GPHN: variants seen among roughly 807,000 people sequenced by gnomAD.
GPHN encodes gephyrin.
In GPHN, 17 loss-of-function variants were observed where a neutral mutation model predicts 95.5. The ratio of observed to expected loss-of-function variants is 0.18; its 90% CI spans 0.12 to 0.27. The LOEUF is 0.27. GPHN is among the 10% of genes least tolerant of loss of function. The pLI is 1.00. For synonymous variants in GPHN, 320 were observed against 322.5 expected, an observed-to-expected ratio of 0.99 and a Z score of 0.08; for missense variants, 660 against 978.1, an observed-to-expected ratio of 0.67 and a Z score of 4.34.
At chr14:66,518,773 C>T (rs570905146) in intron 1 of GPHN, among the ~76,000 whole-genome samples, 28 of 151,948 alleles carry the variant, frequency 1.8e-4, no homozygotes, top group African/African-American at 6.8e-4. Flanking sequence ...TATGTGGAAA[C>T]TAAAAAAAGT....
the GPHN span, chr14:67,585,613 G>C: frequency 6.3e-7 from 1 of 1,584,560 alleles, no homozygotes; most frequent in Non-Finnish European, 8.6e-7. Flanking sequence ...GTGGATTGCT[G>C]TGAATGAGGA....
the GPHN span, among the ~76,000 whole-genome samples, chr14:67,574,670 C>T: frequency 1.9e-3 from 283 of 152,216 alleles, 1 homozygote; most frequent in African/African-American, 6.5e-3. The surrounding 1 kb of genome is among the most constrained non-coding windows in gnomAD (Gnocchi z 4.2). Context: ...ATTTTGAGGT[C>T]ATTAGGGGCT....
At chr14:66,929,903 G>T (rs1445702056) in intron 8 of GPHN, among the ~76,000 whole-genome samples, 1 of 151,830 alleles carries the variant, frequency 6.6e-6, no homozygotes, top group Non-Finnish European at 1.5e-5. Context: ...AGTAGAGACG[G>T]GGTTTCACCG....
At chr14:67,268,770 T>A in the GPHN span, among the ~76,000 whole-genome samples, 3 of 152,198 alleles carry the variant, frequency 2.0e-5, no homozygotes, top group South Asian at 2.1e-4. Flanking sequence ...CTTTGTGACC[T>A]GACTTTGTGC....
intron 5 of GPHN, among the ~76,000 whole-genome samples, chr14:66,885,506 C>T (rs1361513860): frequency 6.6e-6 from 1 of 152,042 alleles, no homozygotes; most frequent in African/African-American, 2.4e-5. Flanking sequence ...CCTTATCTTC[C>T]AAATATTGGG....
the GPHN span, chr14:67,726,028 A>C: frequency 6.6e-7 from 1 of 1,519,316 alleles, no homozygotes; most frequent in Non-Finnish European, 9.1e-7. Flanking sequence ...TAACCATAGG[A>C]TCTCTTTGGT....
the GPHN span, among the ~76,000 whole-genome samples, chr14:67,212,653 A>G: frequency 2.7e-5 from 4 of 146,488 alleles, no homozygotes. Context: ...ACATATATAT[A>G]TAATATATAT....
chr14:67,122,165 T>C, intron 16 of GPHN, 91 bp from the exon 17 acceptor site: 2 of 1,284,396 alleles, frequency 1.6e-6, no homozygotes, highest in Non-Finnish European at 2.3e-6. Context: ...GTGCTAGATA[T>C]GCTAAACTCA....
chr14:67,412,048 G>A, the GPHN span: 46,053 of 1,553,314 alleles, frequency 0.03, 791 homozygotes, highest in Non-Finnish European at 0.033. Flanking sequence ...CCTTGAGCAC[G>A]CCGTCCTCCA....
At chr14:67,039,201 A>G (rs1374323867) in intron 10 of GPHN, among the ~76,000 whole-genome samples, 2 of 152,122 alleles carry the variant, frequency 1.3e-5, no homozygotes, top group African/African-American at 2.4e-5. Context: ...CTCCAGCTTC[A>G]TTGGGCAATT....
In GPHN at chr14:66,581,228, T is replaced by TAA. The variant is rs55870261; in HGVS notation, c.64+72650_64+72651dup. 2.4e-3 allele frequency among the ~76,000 whole-genome samples: 335 copies of TAA among 139,046 alleles called. 1 individual carries two copies. The highest frequency in any genetic ancestry group is 7.6e-3 in the East Asian group (37 of 4,888). 91.2% of individuals were successfully genotyped at this position (139,046 alleles called of 152,430 possible). On this transcript the variant is annotated intron_variant, in intron 1 of 22. Coordinates refer to ENST00000478722, the MANE Select transcript of GPHN (RefSeq NM_020806.5). The stretch of plus-strand genomic sequence containing the variant: ...ACTCAACAGTAGGAAGGTGAAGATG[T>TAA]AAAAAAAAAAAAAAGATGTAAATTA...
At chr14:67,071,542 T>C (rs2076309493) in intron 11 of GPHN, among the ~76,000 whole-genome samples, 1 of 151,506 alleles carries the variant, frequency 6.6e-6, no homozygotes, top group Admixed American at 6.6e-5. Context: ...AAATGACGAG[T>C]TAATGGGTGC....
the GPHN span, among the ~76,000 whole-genome samples, chr14:67,339,818 G>A: frequency 1.1e-3 from 172 of 152,094 alleles, 2 homozygotes; most frequent in African/African-American, 3.9e-3. Flanking sequence ...ATAATCAAGG[G>A]CCAGGCACGG....
the GPHN span, among the ~76,000 whole-genome samples, chr14:67,631,434 C>CTTTTT: frequency 3.1e-4 from 35 of 113,118 alleles, no homozygotes; most frequent in East Asian, 5.1e-4. Flanking sequence ...TTCTTTCTTT[C>CTTTTT]TTTTTTTTTT....
the GPHN span, chr14:67,662,936 A>G: frequency 7.7e-7 from 1 of 1,300,662 alleles, no homozygotes; most frequent in Non-Finnish European, 9.7e-7. Flanking sequence ...GTTTACCAAT[A>G]GTGACTCTCT....
intron 16 of GPHN, among the ~76,000 whole-genome samples, chr14:67,119,642 T>A (rs1409034450): frequency 6.6e-6 from 1 of 151,750 alleles, no homozygotes; most frequent in African/African-American, 2.4e-5. Context: ...AATACAAAAT[T>A]AGCCGGGCGT....
chr14:67,439,604 T>TTTTCTTTCTTTCTTTC, the GPHN span, among the ~76,000 whole-genome samples: 2 of 133,522 alleles, frequency 1.5e-5, no homozygotes, highest in African/African-American at 6.1e-5. Flanking sequence ...TTCTTTCTTT[T>TTTTCTTTCTTTCTTTC]TTGCATCAGA....
At chr14:66,577,120 T>G (rs1396419943) in intron 1 of GPHN, among the ~76,000 whole-genome samples, 1 of 152,162 alleles carries the variant, frequency 6.6e-6, no homozygotes, top group East Asian at 1.9e-4. Flanking sequence ...ATTTAGTAGG[T>G]CTAAAGGTGG....
At chr14:67,407,887 C>T in the GPHN span, among the ~76,000 whole-genome samples, 1 of 152,218 alleles carries the variant, frequency 6.6e-6, no homozygotes, top group East Asian at 1.9e-4. Context: ...CCAGGAAGTT[C>T]GCTTGAGCTC....
Sources: allele counts gnomAD v4.1 joint callset (sites outside exome capture counted in the v4.1 genomes callset), GRCh38; gene constraint gnomAD v4.1.1; non-coding constraint Gnocchi (gnomAD v3.1); transcripts MANE v1.5; gene names NCBI Gene and HGNC (gene_info 2026-07-23, HGNC 2026-07-21).